GFOD1: variants seen among roughly 807,000 people sequenced by gnomAD.
The protein encoded by GFOD1 is glucose-fructose oxidoreductase domain-containing protein 1.
A neutral mutation model predicts 25.4 loss-of-function variants in GFOD1; 9 were observed. The observed-to-expected ratio is 0.35, with a 90% CI of 0.21 to 0.62. The LOEUF (loss-of-function observed/expected upper bound fraction) is 0.62. Among genes scored for constraint, GFOD1 ranks in the 20% least tolerant of loss-of-function variants. GFOD1 has a pLI of 0.72. For synonymous variants in GFOD1, 253 were observed against 245.6 expected (o/e 1.03, Z -0.28); for missense variants, 403 against 556.9 (o/e 0.72, Z 2.78).
chr6:13,408,100 C>T (rs750109568), intron 1 of GFOD1: 7 of 985,260 alleles, frequency 7.1e-6, no homozygotes, highest in Non-Finnish European at 8.4e-6. Context: ...AGCCCGGCCA[C>T]GGTAGCATCT....
chr6:13,407,312 T>C (rs1785964416), intron 1 of GFOD1, among the ~76,000 whole-genome samples: 1 of 152,220 alleles, frequency 6.6e-6, no homozygotes, highest in African/African-American at 2.4e-5. Context: ...ACCCTTAAAA[T>C]AGATGACCCC....
At position 13,365,747 on chromosome 6, in the gene GFOD1, A is replaced by G. The variant is rs965762724; in HGVS notation, c.254-85T>C. ...TGGGTCAGATCTTAAAATATTTCAC[A>G]TTAATAGAAAAAGAAGGTCAGATGT... On this transcript the variant is annotated intron_variant, in intron 1 of 1. Transcript: ENST00000379287. This position sits in a 1 kb window ranked among gnomAD's most constrained non-coding sequence, Gnocchi z 9.2. 4 of 1,024,144 alleles carry G rather than the reference A, an allele frequency of 3.9e-6. No individual in the cohort carries two copies. Among genetic ancestry groups the G allele is most frequent in the Non-Finnish European group, 5.7e-6 (4 of 695,730 alleles). 63.4% of individuals were successfully genotyped at this position (1,024,144 alleles called of 1,614,324 possible).
At chr6:13,464,353 T>C (rs1283260507) in intron 1 of GFOD1, among the ~76,000 whole-genome samples, 3 of 152,234 alleles carry the variant, frequency 2.0e-5, no homozygotes, top group African/African-American at 4.8e-5. Flanking sequence ...GCATCCATGC[T>C]ACGGGTTGTG....
At chr6:13,446,486 G>C (rs757224863) in intron 1 of GFOD1, among the ~76,000 whole-genome samples, 14 of 152,180 alleles carry the variant, frequency 9.2e-5, no homozygotes, top group Non-Finnish European at 1.9e-4. Context: ...GAAAAGCCTG[G>C]AAAGAGCCTG....
At chr6:13,406,096 T>G (rs1785939659) in intron 1 of GFOD1, among the ~76,000 whole-genome samples, 1 of 152,204 alleles carries the variant, frequency 6.6e-6, no homozygotes, top group African/African-American at 2.4e-5. Context: ...TGTTATATTT[T>G]GGGTCCTTTT....
intron 1 of GFOD1, among the ~76,000 whole-genome samples, chr6:13,429,296 G>C (rs1341511892): frequency 6.6e-6 from 1 of 152,232 alleles, no homozygotes; most frequent in South Asian, 2.1e-4. Flanking sequence ...GGCTGTCAAA[G>C]GGTTGTGTGG....
chr6:13,408,642 T>C (rs480648), intron 1 of GFOD1, among the ~76,000 whole-genome samples: 87,124 of 152,042 alleles, frequency 0.57, 28,787 homozygotes, highest in Non-Finnish European at 0.73. Flanking sequence ...CCTCTACCTT[T>C]AGCGATTTCA....
At chr6:13,409,215 G>GAGAAAGAAGGAA (rs1335678821) in intron 1 of GFOD1, among the ~76,000 whole-genome samples, 1 of 34,106 alleles carries the variant, frequency 2.9e-5, no homozygotes. Flanking sequence ...AAGAAGGAAA[G>GAGAAAGAAGGAA]AGAGAGAGAG....
intron 1 of GFOD1, among the ~76,000 whole-genome samples, chr6:13,470,792 G>C (rs1197511998): frequency 1.3e-5 from 2 of 152,152 alleles, no homozygotes; most frequent in African/African-American, 4.8e-5. Context: ...CTACAGTCAA[G>C]AGACATTCTG....
chr6:13,404,248 C>T (rs1222002429), intron 1 of GFOD1, among the ~76,000 whole-genome samples: 2 of 152,270 alleles, frequency 1.3e-5, no homozygotes, highest in East Asian at 3.9e-4. Flanking sequence ...CCAGGCTCAG[C>T]CTTTTCTTGC....
At chr6:13,414,057 G>T (rs954205683) in intron 1 of GFOD1, among the ~76,000 whole-genome samples, 4 of 152,192 alleles carry the variant, frequency 2.6e-5, no homozygotes, top group African/African-American at 9.7e-5. Flanking sequence ...ACAGATAAGG[G>T]CTTGCTCACA....
chr6:13,451,441 T>C (rs1309128463), intron 1 of GFOD1, among the ~76,000 whole-genome samples: 3 of 152,166 alleles, frequency 2.0e-5, no homozygotes, highest in South Asian at 2.1e-4. Flanking sequence ...TCAGTCATGA[T>C]GTACGAGAGC....
intron 1 of GFOD1, among the ~76,000 whole-genome samples, chr6:13,377,580 T>G (rs1434566858): frequency 6.6e-6 from 1 of 152,204 alleles, no homozygotes; most frequent in Non-Finnish European, 1.5e-5. Context: ...CTTCCTCTTT[T>G]GCCACCAGTG....
At chr6:13,376,369 T>A (rs1235445494) in intron 1 of GFOD1, among the ~76,000 whole-genome samples, 1 of 152,076 alleles carries the variant, frequency 6.6e-6, no homozygotes, top group East Asian at 1.9e-4. Context: ...CTACTGTACC[T>A]CGGTGGTCGC....
chr6:13,473,314 C>G (rs1758547729), intron 1 of GFOD1, among the ~76,000 whole-genome samples: 1 of 152,232 alleles, frequency 6.6e-6, no homozygotes, highest in Admixed American at 6.5e-5. Flanking sequence ...ATCCTCTCAA[C>G]AGCTGACTCT....
chr6:13,440,557 T>C (rs1056572677), intron 1 of GFOD1, among the ~76,000 whole-genome samples: 1 of 152,224 alleles, frequency 6.6e-6, no homozygotes, highest in African/African-American at 2.4e-5. Context: ...CTACGATGAC[T>C]GCTCTCAGAG....
At chr6:13,465,264 T>G (rs1203468811) in intron 1 of GFOD1, among the ~76,000 whole-genome samples, 2 of 152,006 alleles carry the variant, frequency 1.3e-5, no homozygotes, top group African/African-American at 4.8e-5. Context: ...TTAAGAAAGT[T>G]TATGAATGTG....
At chr6:13,417,778 T>C (rs1190481627) in intron 1 of GFOD1, among the ~76,000 whole-genome samples, 5 of 152,182 alleles carry the variant, frequency 3.3e-5, no homozygotes, top group African/African-American at 1.2e-4. Flanking sequence ...CTTTCAACCA[T>C]AGCATGAGTA....
intron 1 of GFOD1, among the ~76,000 whole-genome samples, chr6:13,406,366 C>CG (rs1321327809): frequency 4.6e-5 from 7 of 152,052 alleles, no homozygotes; most frequent in Admixed American, 1.3e-4. Flanking sequence ...CCCTCCTCCC[C>CG]TGGCCCCTGC....
Sources: allele counts gnomAD v4.1 joint callset (sites outside exome capture counted in the v4.1 genomes callset), GRCh38; gene constraint gnomAD v4.1.1; non-coding constraint Gnocchi (gnomAD v3.1); transcripts MANE v1.5; gene names NCBI Gene and HGNC (gene_info 2026-07-23, HGNC 2026-07-21).